The following FBXO39 variants were observed in gnomAD, a reference collection of about 807,000 sequenced individuals.
The protein encoded by FBXO39 is F-box only protein 39.
Under a neutral mutation model 36.6 loss-of-function variants are expected in FBXO39, and 22 were observed. That is an observed-to-expected ratio of 0.60 (90% CI 0.43 to 0.86). The LOEUF is 0.86. Among genes scored for constraint, FBXO39 ranks in the 40% least tolerant of loss-of-function variants. The probability of loss-of-function intolerance (pLI) is 0.00; values close to 1 mark genes in which losing one functional copy is unlikely to be tolerated. For synonymous variants in FBXO39, 206 were observed against 205.8 expected (o/e 1.00, Z -0.01); for missense variants, 536 against 543.9 (o/e 0.99, Z 0.14).
chr17:6,776,576 CTT>C (rs1976415059), intron 1 of FBXO39, among the ~76,000 whole-genome samples: 1 of 152,208 alleles, frequency 6.6e-6, no homozygotes, highest in Admixed American at 6.5e-5. Context: ...CCCTGGGAAA[CTT>C]TATTCACCTT....
Position 6,780,846 on chromosome 17 carries a change from A to T in FBXO39, c.978A>T (p.Arg326Ser), listed in dbSNP as rs1487160808. The T allele has an allele frequency of 6.2e-7, 1 of 1,613,710 alleles. No individual in the cohort carries two copies. Among genetic ancestry groups the T allele is most frequent in the South Asian group, 1.1e-5 (1 of 91,078 alleles). The change falls in exon 2 of 4, where the codon AGA becomes AGT. Residue 326 changes from arginine (R) to serine (S), a missense_variant. Physicochemically the swap from Arg to Ser is moderately radical, Grantham distance 110. Coordinates refer to ENST00000321535, the MANE Select transcript of FBXO39 (RefSeq NM_153230.3). ...CYFSDPDCSMRPTLIDLLPTF... is the reference protein window; with the variant it reads ...CYFSDPDCSMSPTLIDLLPTF... ...TCAGTGACCCAGACTGTTCAATGAG[A>T]CCCACTCTGATAGATCTCCTGCCCA...
Position 6,787,354 on chromosome 17 carries a change from G to A in FBXO39, c.1255G>A (p.Glu419Lys). The A allele has an allele frequency of 6.2e-7, 1 of 1,614,054 alleles. No individual in the cohort carries two copies. Among genetic ancestry groups the A allele is most frequent in the Non-Finnish European group, 8.5e-7 (1 of 1,179,982 alleles). ...GAATGAAGAGGACAAGACCCTGCAG[G>A]AAATTTACAGGAAGTACAGAAAGCT... The part of the protein sequence containing the change: ...ETNEEDKTLQ[E>K]IYRKYRKLIE... Residue 419 changes from glutamate (E) to lysine (K), a missense_variant, in exon 4 of 4, where the codon GAA (glutamate) becomes AAA (lysine). Glu to Lys is a moderately conservative substitution (Grantham distance 56). Coordinates refer to ENST00000321535, the MANE Select transcript of FBXO39 (RefSeq NM_153230.3).
intron 2 of FBXO39, among the ~76,000 whole-genome samples, chr17:6,785,971 C>T (rs1176114272): frequency 6.6e-6 from 1 of 152,160 alleles, no homozygotes; most frequent in African/African-American, 2.4e-5. Context: ...AAAAATAGAG[C>T]TTACATATGA....
At chr17:6,787,156 T>G in intron 3 of FBXO39, 144 bp from the exon 4 acceptor site, 3 of 1,384,262 alleles carry the variant, frequency 2.2e-6, no homozygotes, top group Non-Finnish European at 2.9e-6. Flanking sequence ...CCAACATATT[T>G]TCCTGATTCA....
chr17:6,777,563 G>A (rs1216268915), intron 1 of FBXO39, among the ~76,000 whole-genome samples: 1 of 152,154 alleles, frequency 6.6e-6, no homozygotes, highest in Non-Finnish European at 1.5e-5. Context: ...TTTTAAACTG[G>A]TTTATCTCTT....
intron 1 of FBXO39, among the ~76,000 whole-genome samples, chr17:6,778,419 G>GA (rs1171320923): frequency 1.3e-5 from 2 of 152,080 alleles, no homozygotes; most frequent in Non-Finnish European, 2.9e-5. Context: ...GTGGGGACAG[G>GA]AAAAAAAAGT....
chr17:6,779,335 C>T (rs1195126374), intron 1 of FBXO39, among the ~76,000 whole-genome samples: 1 of 152,232 alleles, frequency 6.6e-6, no homozygotes, highest in Non-Finnish European at 1.5e-5. Flanking sequence ...GAACACATCA[C>T]ATACATTCAC....
intron 2 of FBXO39, among the ~76,000 whole-genome samples, chr17:6,784,622 T>C (rs1319652821): frequency 2.0e-5 from 3 of 151,900 alleles, no homozygotes; most frequent in Non-Finnish European, 4.4e-5. Flanking sequence ...ATGCCAACAG[T>C]GAACAATCTG....
At chr17:6,776,506 G>C (rs191225143) in intron 1 of FBXO39, among the ~76,000 whole-genome samples, 3 of 152,280 alleles carry the variant, frequency 2.0e-5, no homozygotes, top group African/African-American at 7.2e-5. Flanking sequence ...GTTGGCAGCT[G>C]TGTGATATGG....
intron 2 of FBXO39, among the ~76,000 whole-genome samples, chr17:6,782,778 T>C (rs575389957): frequency 2.6e-5 from 4 of 152,168 alleles, no homozygotes; most frequent in Admixed American, 2.0e-4. Context: ...ATAAAGCAAA[T>C]ATTATTAGAG....
chr17:6,781,832 G>C (rs1401836332), intron 2 of FBXO39, among the ~76,000 whole-genome samples: 2 of 152,062 alleles, frequency 1.3e-5, no homozygotes, highest in Admixed American at 1.3e-4. Context: ...CACCAGACCT[G>C]TCCTACAAGA....
In FBXO39 at chr17:6,780,097, T is replaced by C; in HGVS notation, c.229T>C (p.Ser77Pro). Reference protein sequence around the residue: ...PSRVHASEVESAVWYVKKFGR... With the variant: ...PSRVHASEVEPAVWYVKKFGR... Reference sequence around the variant, plus strand: ...CAGGGTACATGCATCTGAAGTTGAGTCAGCTGTTTGGTATGTTAAGAAGTT... The same window carrying C: ...CAGGGTACATGCATCTGAAGTTGAGCCAGCTGTTTGGTATGTTAAGAAGTT... The change falls in exon 2 of 4, where the codon TCA becomes CCA. Residue 77 changes from serine (S) to proline (P), a missense_variant. Ser to Pro is a moderately conservative substitution (Grantham distance 74). Coordinates refer to ENST00000321535, the MANE Select transcript of FBXO39 (RefSeq NM_153230.3). The C allele has an allele frequency of 6.2e-7, 1 of 1,614,088 alleles. No homozygotes were observed. The highest frequency in any genetic ancestry group is 8.5e-7 in the Non-Finnish European group (1 of 1,180,012).
At chr17:6,781,918 C>T (rs899044601) in intron 2 of FBXO39, among the ~76,000 whole-genome samples, 2 of 152,084 alleles carry the variant, frequency 1.3e-5, no homozygotes, top group South Asian at 2.1e-4. Flanking sequence ...AGGTACAAGA[C>T]GTATACTTAC....
At chr17:6,787,222 CCG>C (rs1567672488) in intron 3 of FBXO39, 76 bp from the exon 4 acceptor site, 23 of 1,444,450 alleles carry the variant, frequency 1.6e-5, no homozygotes, top group South Asian at 2.6e-5. Context: ...AGTGTAGTCA[CCG>C]TGTGTGTGTG....
intron 2 of FBXO39, among the ~76,000 whole-genome samples, chr17:6,781,444 C>G (rs1174711293): frequency 2.0e-5 from 3 of 152,178 alleles, no homozygotes; most frequent in African/African-American, 7.2e-5. Flanking sequence ...CCTGTAAGAT[C>G]AGGATCATTT....
At chr17:6,780,928 T>C (rs529349995) in intron 2 of FBXO39, 37 bp downstream of exon 2, 177 of 1,573,296 alleles carry the variant, frequency 1.1e-4, no homozygotes, top group Middle Eastern at 2.2e-4. Flanking sequence ...GCTGTTCAGG[T>C]GACTGGCTTC....
chr17:6,780,388 C>A lies in FBXO39; in HGVS notation c.520C>A (p.Leu174Met). ...LDYLNLKGAR[L>M]TVEQGCQILD... ...TTATCTCAACCTAAAAGGGGCCAGG[C>A]TGACCGTGGAGCAAGGCTGCCAAAT... Residue 174 changes from leucine (L) to methionine (M), a missense_variant, in exon 2 of 4, where the codon CTG (leucine) becomes ATG (methionine). Leu to Met is a conservative substitution (Grantham distance 15). Transcript: ENST00000321535. The A allele has an allele frequency of 6.2e-7, 1 of 1,614,128 alleles. No individual in the cohort carries two copies. The highest frequency in any genetic ancestry group is 1.1e-5 in the South Asian group (1 of 91,086).
rs1479808420 is a variant in FBXO39 at position 6,787,401 on chromosome 17, T to C, written c.1302T>C (p.Tyr434=). The C allele has an allele frequency of 6.2e-7, 1 of 1,614,080 alleles. No individual in the cohort carries two copies. The highest frequency in any genetic ancestry group is 8.5e-7 in the Non-Finnish European group (1 of 1,179,966). Residue 434 remains tyrosine (Y), a synonymous_variant, in exon 4 of 4, where the codon TAT becomes TAC. Coordinates refer to ENST00000321535, the MANE Select transcript of FBXO39 (RefSeq NM_153230.3). ...AGCTGATCGAATCAGAGCTTAGCTA[T>C]TTTGTCATCGTTTACTCTGTGATGT... ...YRKLIESELS[Y]FVIVYSVM
intron 2 of FBXO39, among the ~76,000 whole-genome samples, chr17:6,783,596 A>C (rs1036506724): frequency 3.9e-5 from 6 of 152,116 alleles, no homozygotes; most frequent in African/African-American, 1.4e-4. Flanking sequence ...GAGAAATACA[A>C]AGGATAATTA....
Sources: allele counts gnomAD v4.1 joint callset (sites outside exome capture counted in the v4.1 genomes callset), GRCh38; gene constraint gnomAD v4.1.1; transcripts MANE v1.5; gene names NCBI Gene and HGNC (gene_info 2026-07-23, HGNC 2026-07-21).